C4orf50: variants seen among roughly 807,000 people sequenced by gnomAD.
C4orf50 encodes the protein chromosome 4 open reading frame 50.
C4orf50 carries 80 observed loss-of-function variants against 77.2 expected under a neutral mutation model. The ratio of observed to expected loss-of-function variants is 1.04; its 90% CI spans 0.87 to 1.25. The LOEUF is 1.25. Among genes scored for constraint, C4orf50 ranks in the 50% most tolerant of loss-of-function variants. The pLI is 0.00. For missense variants in C4orf50, 1,257 were observed against 1,152.9 expected, an observed-to-expected ratio of 1.09 and a Z score of -1.31; for synonymous variants, 532 against 465.3, an observed-to-expected ratio of 1.14 and a Z score of -1.84.
chr4:5,938,753 A>G (rs1718140720), intron 7 of C4orf50, among the ~76,000 whole-genome samples: 1 of 151,816 alleles, frequency 6.6e-6, no homozygotes, highest in South Asian at 2.1e-4. Flanking sequence ...TTCAAAATCT[A>G]TCAAACTCCT....
At chr4:5,977,416 G>T (rs370779215) in intron 29 of C4orf50, among the ~76,000 whole-genome samples, 19 of 152,294 alleles carry the variant, frequency 1.2e-4, no homozygotes, top group East Asian at 1.9e-4. Context: ...TGTGCAAAAG[G>T]TCTTGCATCT....
At chr4:6,004,756 TG>T (rs1413555856) in intron 25 of C4orf50, among the ~76,000 whole-genome samples, 2 of 150,884 alleles carry the variant, frequency 1.3e-5, no homozygotes, top group Non-Finnish European at 3.0e-5. Context: ...ATGATGGTGA[TG>T]GTGATGACAG....
chr4:5,971,508 C>G (rs1335742489), intron 31 of C4orf50, among the ~76,000 whole-genome samples: 2 of 152,142 alleles, frequency 1.3e-5, no homozygotes, highest in Admixed American at 6.5e-5. Context: ...TTCAAAAGGC[C>G]TGGCAGGGAC....
intron 7 of C4orf50, among the ~76,000 whole-genome samples, chr4:5,929,641 A>G (rs1717674182): frequency 6.6e-6 from 1 of 152,268 alleles, no homozygotes; most frequent in Non-Finnish European, 1.5e-5. Flanking sequence ...CAGGAAATGT[A>G]GTTTTTCTGA....
chr4:5,991,761 G>T (rs1041555854), intron 27 of C4orf50, among the ~76,000 whole-genome samples: 5 of 152,104 alleles, frequency 3.3e-5, no homozygotes, highest in Admixed American at 1.3e-4. Context: ...GGACAGAGGG[G>T]GTCTGAGCCT....
intron 25 of C4orf50, among the ~76,000 whole-genome samples, chr4:6,002,633 T>C (rs2108801853): frequency 6.6e-6 from 1 of 152,164 alleles, no homozygotes; most frequent in East Asian, 1.9e-4. Flanking sequence ...CAGACAATGC[T>C]CTCCTGCCCC....
intron 7 of C4orf50, among the ~76,000 whole-genome samples, chr4:5,924,956 G>A (rs1243321172): frequency 6.6e-6 from 1 of 152,110 alleles, no homozygotes; most frequent in Non-Finnish European, 1.5e-5. Flanking sequence ...GGTGGCAGGT[G>A]TGCAGCTCAG....
chr4:5,986,759 G>A (rs1720886553), intron 28 of C4orf50, among the ~76,000 whole-genome samples: 2 of 151,890 alleles, frequency 1.3e-5, no homozygotes, highest in Admixed American at 1.3e-4. Context: ...GGCAGGTCTC[G>A]AACTCCTGAC....
chr4:5,988,928 T>C (rs1015113371), exon 28 of C4orf50: 28 of 1,535,996 alleles, frequency 1.8e-5, no homozygotes, highest in Non-Finnish European at 2.4e-5. Flanking sequence ...TTGGATTTCC[T>C]GACACTCTCA....
intron 23 of C4orf50, among the ~76,000 whole-genome samples, chr4:6,016,541 T>G (rs1188238941): frequency 6.6e-6 from 1 of 152,120 alleles, no homozygotes; most frequent in Non-Finnish European, 1.5e-5. Context: ...AGAGTAAGAC[T>G]CCATCTCAAA....
At chr4:6,014,817 CT>C (rs937387916) in intron 23 of C4orf50, among the ~76,000 whole-genome samples, 1 of 152,214 alleles carries the variant, frequency 6.6e-6, no homozygotes, top group African/African-American at 2.4e-5. Context: ...TTCTCCTCCC[CT>C]GACCCCTCTT....
chr4:5,975,139 CAAAAA>C (rs763836859), intron 30 of C4orf50, among the ~76,000 whole-genome samples: 18 of 82,836 alleles, frequency 2.2e-4, no homozygotes, highest in African/African-American at 6.9e-4. Flanking sequence ...CACTCCATCT[CAAAAA>C]AAAAAAAAAA....
At position 5,977,221 on chromosome 4, in the gene C4orf50, C is replaced by A. The variant is rs79329174; in HGVS notation, c.3865-1266G>T. Among the ~76,000 whole-genome samples the A allele has an allele frequency of 6.9e-3, 1,057 of 152,280 alleles. 8 individuals carry two copies. Among genetic ancestry groups the A allele is most frequent in the African/African-American group, 0.024 (986 of 41,558 alleles). ...GGAGGGCGGAACAGCCTAGCCGAGT[C>A]CTATCTGAATTCTGGACCCATAAGA... is the stretch of plus-strand genomic sequence containing the variant. On this transcript the variant is annotated intron_variant, in intron 29 of 33. Transcript: ENST00000531445.
Position 6,011,100 on chromosome 4 carries a change from G to A in C4orf50, c.426+730C>T, listed in dbSNP as rs531761253. Among the ~76,000 whole-genome samples the A allele has an allele frequency of 3.3e-5, 5 of 152,152 alleles. No homozygotes were observed. The highest frequency in any genetic ancestry group is 4.8e-5 in the African/African-American group (2 of 41,542). On this transcript the variant is annotated intron_variant, in intron 24 of 33. Transcript: ENST00000531445. This position sits in a 1 kb window ranked among gnomAD's most constrained non-coding sequence, Gnocchi z 4.2. ...CCCACTGCTTCTCCAGAGAGCTCTC[G>A]AACTTCTCCCCCTGCCTCCATCATC...
Position 6,017,686 on chromosome 4 carries a change from GC to G in C4orf50, c.287+458del. ...TGCTGTGTGGACATCTACTTGTCTG[GC>G]GGCTGCCTAAAACCATGCTTCTGTC... On this transcript the variant is annotated intron_variant, in intron 23 of 33. Coordinates refer to ENST00000531445, the Ensembl canonical transcript of C4orf50. The surrounding 1 kb of genome is among the most constrained non-coding windows in gnomAD (Gnocchi z 4.7). Among the ~76,000 whole-genome samples the G allele has an allele frequency of 6.6e-6, 1 of 152,230 alleles. No homozygotes were observed. Among genetic ancestry groups the G allele is most frequent in the East Asian group, 1.9e-4 (1 of 5,164 alleles).
Position 6,008,416 on chromosome 4 carries a change from C to A in C4orf50, c.543G>T (p.Arg181=), listed in dbSNP as rs2108809859. The A allele has an allele frequency of 2.5e-6, 1 of 395,328 alleles. No individual in the cohort carries two copies. 24.5% of individuals were successfully genotyped at this position (395,328 alleles called of 1,614,324 possible). A position where few individuals can be genotyped will look rare whatever the true frequency, so the allele number is the denominator to read the frequency against. Residue 181 remains arginine (R), a synonymous_variant, in exon 25 of 34, where the codon CGG becomes CGT. Transcript: ENST00000531445. The surrounding 1 kb of genome is among the most constrained non-coding windows in gnomAD (Gnocchi z 6.0). The stretch of plus-strand genomic sequence containing the variant: ...GGCCCAGCTGGCGCCGCTGGGTCCG[C>A]CGGCAGCGCTCCAGGGCCGCCGCCT...
chr4:5,909,952 T>C (rs1315101093), intron 7 of C4orf50, among the ~76,000 whole-genome samples: 2 of 151,664 alleles, frequency 1.3e-5, no homozygotes, highest in Non-Finnish European at 2.9e-5. Flanking sequence ...GCCCCCAGCA[T>C]TTTTTCCCCC....
At position 6,008,367 on chromosome 4, in the gene C4orf50, G is replaced by A; in HGVS notation, c.592C>T (p.Leu198=). 5.1e-6 allele frequency: 2 copies of A among 392,370 alleles called. No individual in the cohort carries two copies. Among genetic ancestry groups the A allele is most frequent in the Non-Finnish European group, 9.0e-6 (2 of 222,122 alleles). The allele number at this position is 392,370 out of a possible 1,614,324, so 24.3% of individuals were successfully genotyped here. Residue 198 remains leucine (L), a synonymous_variant, in exon 25 of 34, where the codon CTG becomes TTG. Transcript: ENST00000531445. This position sits in a 1 kb window ranked among gnomAD's most constrained non-coding sequence, Gnocchi z 6.0. Reference sequence around the variant, plus strand: ...TCCAGCCGCTGCACCTGCTCCCGCAGGACGCGCTCCTGCTCCCGCACCAGG... The same window carrying A: ...TCCAGCCGCTGCACCTGCTCCCGCAAGACGCGCTCCTGCTCCCGCACCAGG...
intron 7 of C4orf50, chr4:5,902,002 C>G (rs1716360087): frequency 6.6e-6 from 1 of 152,280 alleles, no homozygotes; most frequent in Non-Finnish European, 1.5e-5. Context: ...ACCAGGGCAG[C>G]AATTTGGCCT....
Sources: gnomAD v4.1 joint callset for allele counts (sites outside exome capture counted in the v4.1 genomes callset) on GRCh38, gnomAD v4.1.1 for gene constraint, Gnocchi (gnomAD v3.1) non-coding constraint, MANE v1.5 for transcripts, NCBI Gene and HGNC (gene_info 2026-07-23, HGNC 2026-07-21) for gene names.